TEKT5: variants seen among roughly 807,000 people sequenced by gnomAD.
TEKT5 encodes tektin-5.
TEKT5 carries 52 observed loss-of-function variants against 48.7 expected under a neutral mutation model. The observed-to-expected ratio is 1.07, with a 90% CI of 0.86 to 1.35. TEKT5 has a LOEUF of 1.35. Ranked by LOEUF, TEKT5 falls within the 40% of genes most tolerant of loss-of-function variation. TEKT5 has a pLI of 0.00. For missense variants in TEKT5, 831 were observed against 641.6 expected, an observed-to-expected ratio of 1.30 and a Z score of -3.19; for synonymous variants, 318 against 267.6, an observed-to-expected ratio of 1.19 and a Z score of -1.84.
rs1596403790 is a variant in TEKT5, at chr16:10,646,175, A to G, written c.1087-10257T>C. Among the ~76,000 whole-genome samples, 5 of 152,298 alleles carry G rather than the reference A, an allele frequency of 3.3e-5. No individual in the cohort carries two copies. In the South Asian group the frequency reaches 1.0e-3, roughly 32 times the overall value. ...TTTGTTGATCTGACATTCAAGTTTA[A>G]ATGGACATCCTGTATTTGTCTTTGC... On this transcript the variant is annotated intron_variant, in intron 5 of 6. Transcript: ENST00000283025.
At chr16:10,632,923 C>G (rs568782332) in intron 6 of TEKT5, among the ~76,000 whole-genome samples, 72 of 151,406 alleles carry the variant, frequency 4.8e-4, no homozygotes, top group Non-Finnish European at 5.9e-4. Flanking sequence ...CGGCCCGGCT[C>G]CTGAACCAAA....
At position 10,689,316 on chromosome 16, in the gene TEKT5, T is replaced by G; in HGVS notation, c.656A>C (p.Asp219Ala). The stretch of plus-strand genomic sequence containing the variant: ...CTGTTCTTGGCAACATTTTAGCAAA[T>G]CCACTTCCTGAAATGAAAAATGTCA... Reference protein sequence around the residue: ...NVEKNLIREVDLLKCCQEQMR... With the variant: ...NVEKNLIREVALLKCCQEQMR... The change falls in exon 3 of 7, where the codon GAT becomes GCT. Residue 219 changes from aspartate (D) to alanine (A), a missense_variant. Coordinates refer to ENST00000283025, the MANE Select transcript of TEKT5 (RefSeq NM_144674.2). 1 of 1,613,026 alleles carries G rather than the reference T, an allele frequency of 6.2e-7. No homozygotes were observed. Among genetic ancestry groups the G allele is most frequent in the Non-Finnish European group, 8.5e-7 (1 of 1,179,652 alleles).
chr16:10,665,282 C>G (rs888797727), intron 5 of TEKT5, among the ~76,000 whole-genome samples: 7 of 152,174 alleles, frequency 4.6e-5, no homozygotes, highest in African/African-American at 1.7e-4. Flanking sequence ...TCTGCCTTGG[C>G]CAGGCTGCAC....
intron 4 of TEKT5, among the ~76,000 whole-genome samples, chr16:10,679,894 T>A (rs1260289712): frequency 1.1e-5 from 1 of 89,380 alleles, no homozygotes. Context: ...CGAAACTCGG[T>A]CTCAAATAAA....
chr16:10,672,944 C>A (rs1397627570), intron 5 of TEKT5, among the ~76,000 whole-genome samples: 1 of 151,764 alleles, frequency 6.6e-6, no homozygotes, highest in African/African-American at 2.4e-5. Flanking sequence ...GCAGCCTCCA[C>A]CTCCCAGGCT....
intron 3 of TEKT5, among the ~76,000 whole-genome samples, chr16:10,682,992 T>G (rs991029468): frequency 6.6e-6 from 1 of 152,112 alleles, no homozygotes. Context: ...TCCCTTCAGG[T>G]TGCTCACAGA....
intron 5 of TEKT5, among the ~76,000 whole-genome samples, chr16:10,658,928 G>C (rs1898312111): frequency 6.6e-6 from 1 of 152,114 alleles, no homozygotes; most frequent in Admixed American, 6.5e-5. Flanking sequence ...ATGTTGGTCA[G>C]GCTGGTCTCG....
At chr16:10,652,761 G>C (rs1323086053) in intron 5 of TEKT5, among the ~76,000 whole-genome samples, 1 of 12,246 alleles carries the variant, frequency 8.2e-5, no homozygotes, top group Non-Finnish European at 1.4e-4. Flanking sequence ...TATATACACA[G>C]GCAAACACAC....
At chr16:10,656,008 C>A (rs1257210183) in intron 5 of TEKT5, among the ~76,000 whole-genome samples, 2 of 152,192 alleles carry the variant, frequency 1.3e-5, no homozygotes, top group African/African-American at 4.8e-5. Context: ...CATAGCAAAT[C>A]ATCCGTGATG....
rs538744628 is a variant in TEKT5, at chr16:10,649,892, G to A, written c.1087-13974C>T. Among the ~76,000 whole-genome samples the A allele has an allele frequency of 2.0e-5, 3 of 152,212 alleles. No individual in the cohort carries two copies. In the East Asian group the frequency reaches 5.8e-4, roughly 29 times the overall value. On this transcript the variant is annotated intron_variant, in intron 5 of 6. Transcript: ENST00000283025. Reference sequence around the variant, plus strand: ...GAGAGAATTGAAGCAGAGCTAGGAGGAGGACACTGAGGGGCAGGGACCCTG... The same window carrying A: ...GAGAGAATTGAAGCAGAGCTAGGAGAAGGACACTGAGGGGCAGGGACCCTG...
intron 5 of TEKT5, 142 bp downstream of exon 5, chr16:10,675,817 G>T (rs1898634373): frequency 1.3e-6 from 1 of 782,320 alleles, no homozygotes; most frequent in Non-Finnish European, 2.1e-6. Context: ...CTTTTAGGAA[G>T]AAAAAGACCA....
chr16:10,656,552 C>A (rs1023438714), intron 5 of TEKT5, among the ~76,000 whole-genome samples: 2 of 152,118 alleles, frequency 1.3e-5, no homozygotes, highest in African/African-American at 2.4e-5. Context: ...CACACCCAGC[C>A]ATCTTGATTT....
In TEKT5 at chr16:10,676,155, T is replaced by G; in HGVS notation, c.890A>C (p.Lys297Thr). The G allele has an allele frequency of 6.2e-7, 1 of 1,614,202 alleles. No homozygotes were observed. Among genetic ancestry groups the G allele is most frequent in the African/African-American group, 1.3e-5 (1 of 75,062 alleles). ...GTISVPETWA[K>T]FSNDNIKHSQ... is the part of the protein sequence containing the mutation. ...GTGTTTGATGTTGTCGTTACTGAAC[T>G]TGGCCCAGGTCTCAGGTACGGAGAT... The change falls in exon 5 of 7, where the codon AAG (lysine) becomes ACG (threonine). Residue 297 changes from lysine to threonine, a missense_variant. Coordinates refer to ENST00000283025, the MANE Select transcript of TEKT5 (RefSeq NM_144674.2).
chr16:10,667,755 T>C (rs1489774396), intron 5 of TEKT5, among the ~76,000 whole-genome samples: 1 of 152,244 alleles, frequency 6.6e-6, no homozygotes, highest in Non-Finnish European at 1.5e-5. Context: ...TCAGCCTGTT[T>C]CAGGCTTTAA....
rs569316864 is a variant in TEKT5 at position 10,645,304 on chromosome 16, G to A, written c.1087-9386C>T. Among the ~76,000 whole-genome samples the A allele has an allele frequency of 3.9e-5, 6 of 152,252 alleles. No homozygotes were observed. In the South Asian group the frequency reaches 1.2e-3, roughly 32 times the overall value. ...GTGGGAGGATTGCTTGAGCCCAGGA[G>A]TTCGAGACCAGCCTGGGCAACATAG... On this transcript the variant is annotated intron_variant, in intron 5 of 6. Transcript: ENST00000283025.
At chr16:10,644,632 G>A (rs905556328) in intron 5 of TEKT5, among the ~76,000 whole-genome samples, 3 of 152,158 alleles carry the variant, frequency 2.0e-5, no homozygotes, top group Admixed American at 6.5e-5. Flanking sequence ...CAGACCCTAT[G>A]GGGGCACCAG....
chr16:10,641,046 C>A (rs537383392), intron 5 of TEKT5, among the ~76,000 whole-genome samples: 2 of 152,150 alleles, frequency 1.3e-5, no homozygotes, highest in East Asian at 3.8e-4. Context: ...TTTTTAGAAA[C>A]TGTCAAAGTT....
chr16:10,638,467 T>G (rs1454900783), intron 5 of TEKT5, among the ~76,000 whole-genome samples: 1 of 152,232 alleles, frequency 6.6e-6, no homozygotes. Context: ...TGAGGTTGCA[T>G]GTGCTCAGTC....
chr16:10,633,412 G>A (rs772005396), intron 6 of TEKT5, among the ~76,000 whole-genome samples: 14 of 152,120 alleles, frequency 9.2e-5, no homozygotes, highest in Non-Finnish European at 1.3e-4. Flanking sequence ...CTCCACTTCA[G>A]GAGGTACTGG....
Sources: allele counts gnomAD v4.1 joint callset (sites outside exome capture counted in the v4.1 genomes callset), GRCh38; gene constraint gnomAD v4.1.1; transcripts MANE v1.5; gene names NCBI Gene and HGNC (gene_info 2026-07-23, HGNC 2026-07-21).